TFEB: variants seen among roughly 807,000 people sequenced by gnomAD.
TFEB encodes transcription factor EB.
TFEB carries 12 observed loss-of-function variants against 48.0 expected under a neutral mutation model. The ratio of observed to expected loss-of-function variants is 0.25; its 90% confidence interval spans 0.16 to 0.40. The LOEUF (loss-of-function observed/expected upper bound fraction) is 0.40. Among genes scored for constraint, TFEB ranks in the 10% least tolerant of loss-of-function variants. TFEB has a pLI of 1.00. For synonymous variants in TFEB, 244 were observed against 261.4 expected, an observed-to-expected ratio of 0.93 and a Z score of 0.64; for missense variants, 509 against 640.3, an observed-to-expected ratio of 0.79 and a Z score of 2.21.
intron 1 of TFEB, among the ~76,000 whole-genome samples, chr6:41,717,498 C>A (rs1770788510): frequency 1.3e-5 from 2 of 152,206 alleles, no homozygotes; most frequent in Admixed American, 1.3e-4. Flanking sequence ...TTTCATTACA[C>A]AACTGAGGAG....
chr6:41,699,813 C>T (rs184690104), intron 1 of TFEB, among the ~76,000 whole-genome samples: 1 of 152,360 alleles, frequency 6.6e-6, no homozygotes, highest in African/African-American at 2.4e-5. Flanking sequence ...GTCAATGGGA[C>T]ACGCACATGC....
chr6:41,722,588 G>A (rs1396377138), intron 1 of TFEB, among the ~76,000 whole-genome samples: 5 of 152,258 alleles, frequency 3.3e-5, no homozygotes, highest in Admixed American at 2.0e-4. Flanking sequence ...GTCCCCATCT[G>A]CAAAATGGGA....
At chr6:41,708,048 G>A (rs949943732) in intron 1 of TFEB, among the ~76,000 whole-genome samples, 15 of 152,242 alleles carry the variant, frequency 9.9e-5, no homozygotes, top group Non-Finnish European at 1.8e-4. Flanking sequence ...ATGCCACAGG[G>A]GCATTGCTGG....
rs773427668 is a variant in TFEB, at chr6:41,687,076, C to A, written c.803+18G>T. 6.2e-7 allele frequency: 1 copy of A among 1,613,526 alleles called. No individual in the cohort carries two copies. Among genetic ancestry groups the A allele is most frequent in the Non-Finnish European group, 8.5e-7 (1 of 1,179,558 alleles). On this transcript the variant is annotated intron_variant, in intron 7 of 8. Transcript: ENST00000373033. The stretch of plus-strand genomic sequence containing the variant: ...GCCCACCCAGACCCATCACCCTCCC[C>A]CTCAGAAACCTGCTCACAGGTCATT...
chr6:41,694,006 C>A (rs954476631), intron 1 of TFEB, among the ~76,000 whole-genome samples: 1 of 152,046 alleles, frequency 6.6e-6, no homozygotes, highest in Non-Finnish European at 1.5e-5. Flanking sequence ...GCTCACCCCC[C>A]CACCCTTGGG....
intron 1 of TFEB, chr6:41,733,542 C>T (rs1385112282): frequency 1.1e-6 from 1 of 884,280 alleles, no homozygotes; most frequent in Non-Finnish European, 1.4e-6. Flanking sequence ...CTCTGCCCTT[C>T]ATTTACACCC....
chr6:41,734,940 C>T lies in TFEB; in HGVS notation c.-23+410G>A, dbSNP rs1771614258. The T allele has an allele frequency of 4.1e-6, 4 of 985,324 alleles. No homozygotes were observed. The Admixed American group carries it at 1.8e-4, about 45-fold the overall frequency. The allele number at this position is 985,324 out of a possible 1,614,324, so 61.0% of individuals were successfully genotyped here. A position where few individuals can be genotyped will look rare whatever the true frequency, so the allele number is the denominator to read the frequency against. On this transcript the variant is annotated intron_variant, in intron 1 of 8. Coordinates refer to ENST00000373033, the MANE Select transcript of TFEB (RefSeq NM_001271944.2). This position sits in a 1 kb window ranked among gnomAD's most constrained non-coding sequence, Gnocchi z 4.0. ...AGGCATCGCCGGCCCCAGCCGTGTC[C>T]GGTGGAGGGGGAGTGGGCGCGGGGC...
chr6:41,700,184 A>G (rs562916460), intron 1 of TFEB, among the ~76,000 whole-genome samples: 76 of 152,176 alleles, frequency 5.0e-4, no homozygotes, highest in Non-Finnish European at 7.5e-4. Context: ...GAAACAAAAG[A>G]GGCTGGGCGC....
Position 41,724,066 on chromosome 6 carries a change from C to A in TFEB, c.-23+11284G>T. On this transcript the variant is annotated intron_variant, in intron 1 of 8. Coordinates refer to ENST00000373033, the MANE Select transcript of TFEB (RefSeq NM_001271944.2). The surrounding 1 kb of genome is among the most constrained non-coding windows in gnomAD (Gnocchi z 4.4). ...CAGGTCGAGGCCGTACTACAGCCCA[C>A]CTTGAAATGGAGCCTGAGATCAAGC... 2.6e-6 allele frequency: 1 copy of A among 386,142 alleles called. No individual in the cohort carries two copies. Among genetic ancestry groups the A allele is most frequent in the South Asian group, 1.9e-5 (1 of 53,940 alleles). The allele number at this position is 386,142 out of a possible 1,614,324, so 23.9% of individuals were successfully genotyped here. A position where few individuals can be genotyped will look rare whatever the true frequency, so the allele number is the denominator to read the frequency against.
At position 41,703,090 on chromosome 6, in the gene TFEB, A is replaced by G. The variant is rs1163663034; in HGVS notation, c.-22-11855T>C. Among the ~76,000 whole-genome samples, 3 of 152,208 alleles carry G rather than the reference A, an allele frequency of 2.0e-5. No individual in the cohort carries two copies. In the South Asian group the frequency reaches 6.2e-4, roughly 32 times the overall value. ...ATTGGGGAGCTCCCTCTCCAGAGCC[A>G]TGGCAGCCTTAGGATCCAGCCTTTG... On this transcript the variant is annotated intron_variant, in intron 1 of 8. Transcript: ENST00000373033.
At chr6:41,703,939 A>G (rs4714508) in intron 1 of TFEB, among the ~76,000 whole-genome samples, 66,699 of 151,980 alleles carry the variant, frequency 0.44, 15,604 homozygotes, top group African/African-American at 0.62. Context: ...GAACTGGGGC[A>G]CCTGGTCTCC....
chr6:41,697,986 C>A (rs945195546), intron 1 of TFEB, among the ~76,000 whole-genome samples: 25 of 152,038 alleles, frequency 1.6e-4, no homozygotes, highest in African/African-American at 6.0e-4. Context: ...GTTTTAAAAG[C>A]CTTTTGGAAT....
intron 1 of TFEB, among the ~76,000 whole-genome samples, chr6:41,695,005 C>G (rs532826748): frequency 6.6e-6 from 1 of 152,330 alleles, no homozygotes; most frequent in South Asian, 2.1e-4. Flanking sequence ...CCCACAGCCT[C>G]TCAGCTGACT....
At position 41,734,342 on chromosome 6, in the gene TFEB, G is replaced by A; in HGVS notation, c.-23+1008C>T. ...GGCGCGGGGCTGGGGCGCGCCAGGC[G>A]GCTGCGGCGCGAACCTGCTCGCGCA... is the stretch of plus-strand genomic sequence containing the variant. On this transcript the variant is annotated intron_variant, in intron 1 of 8. Transcript: ENST00000373033. The surrounding 1 kb of genome is among the most constrained non-coding windows in gnomAD (Gnocchi z 4.0). 1.0e-6 allele frequency: 1 copy of A among 984,626 alleles called. No individual in the cohort carries two copies. 61.0% of individuals were successfully genotyped at this position (984,626 alleles called of 1,614,324 possible).
At chr6:41,687,251 G>T in intron 6 of TFEB, 82 bp from the exon 7 acceptor site, 2 of 1,400,570 alleles carry the variant, frequency 1.4e-6, no homozygotes, top group Non-Finnish European at 2.0e-6. Flanking sequence ...AGCCCAGGGA[G>T]GGGTGCTTCA....
At chr6:41,686,363 G>T in intron 7 of TFEB, 126 bp from the exon 8 acceptor site, 1 of 1,279,974 alleles carries the variant, frequency 7.8e-7, no homozygotes, top group South Asian at 1.4e-5. Context: ...AGACCTGGAG[G>T]TGGAGGTGGC....
intron 3 of TFEB, among the ~76,000 whole-genome samples, chr6:41,690,216 C>T (rs1214723642): frequency 6.6e-6 from 1 of 152,028 alleles, no homozygotes; most frequent in Non-Finnish European, 1.5e-5. Context: ...CTGCAACTTC[C>T]GCCTTCCCGA....
intron 1 of TFEB, among the ~76,000 whole-genome samples, chr6:41,729,146 A>G (rs1771346902): frequency 6.6e-6 from 1 of 150,386 alleles, no homozygotes; most frequent in Non-Finnish European, 1.5e-5. Context: ...ACCTCTTCTC[A>G]CCTCCTACCA....
rs1264569202 is a variant in TFEB at position 41,730,498 on chromosome 6, A to G, written c.-23+4852T>C. Among the ~76,000 whole-genome samples the G allele has an allele frequency of 2.0e-5, 3 of 152,166 alleles. No homozygotes were observed. The highest frequency in any genetic ancestry group is 4.4e-5 in the Non-Finnish European group (3 of 68,028). ...CTTATGGGGCCAGGTGGCTCTCCCCATAAGAAAGCTGGACAAAAGATGGGT... is the reference window on the plus strand; with the variant it reads ...CTTATGGGGCCAGGTGGCTCTCCCCGTAAGAAAGCTGGACAAAAGATGGGT... On this transcript the variant is annotated intron_variant, in intron 1 of 8. Coordinates refer to ENST00000373033, the MANE Select transcript of TFEB (RefSeq NM_001271944.2). The surrounding 1 kb of genome is among the most constrained non-coding windows in gnomAD (Gnocchi z 4.1).
Sources: allele counts gnomAD v4.1 joint callset (sites outside exome capture counted in the v4.1 genomes callset), GRCh38; gene constraint gnomAD v4.1.1; non-coding constraint Gnocchi (gnomAD v3.1); transcripts MANE v1.5; gene names NCBI Gene and HGNC (gene_info 2026-07-23, HGNC 2026-07-21).